ZNF726: variants seen among roughly 807,000 people sequenced by gnomAD.
ZNF726 encodes zinc finger protein 92 pseudogene 3.
ZNF726 carries 15 observed loss-of-function variants against 11.6 expected under a neutral mutation model. The ratio of observed to expected loss-of-function variants is 1.29; its 90% CI spans 0.86 to 1.99. The LOEUF (loss-of-function observed/expected upper bound fraction) is 1.99. ZNF726 is among the 30% of genes most tolerant of loss of function. ZNF726 has a pLI of 0.00. For synonymous variants in ZNF726, 295 were observed against 243.6 expected (o/e 1.21, Z -1.96); for missense variants, 890 against 725.6 (o/e 1.23, Z -2.60).
chr19:23,933,909 G>A lies in ZNF726; in HGVS notation c.1793G>A (p.Cys598Tyr). The A allele has an allele frequency of 6.3e-7, 1 of 1,588,304 alleles. No individual in the cohort carries two copies. Among genetic ancestry groups the A allele is most frequent in the South Asian group, 1.1e-5 (1 of 88,562 alleles). ...GAGAAACCTTACAAGTGTGACGAAT[G>A]TGGCAAATCATTTATCTGGTCCTCA... is the stretch of plus-strand genomic sequence containing the variant. The part of the protein sequence containing the change: ...TGEKPYKCDE[C>Y]GKSFIWSSTL... The change falls in exon 4 of 4, where the codon TGT becomes TAT. Residue 598 changes from cysteine to tyrosine, a missense_variant. Transcript: ENST00000594466.
intron 3 of ZNF726, among the ~76,000 whole-genome samples, chr19:23,926,569 CAAA>C (rs76766569): frequency 0.19 from 22,124 of 114,294 alleles, 2,311 homozygotes; most frequent in East Asian, 0.52. Context: ...GACTCTGTTC[CAAA>C]AAAAAAAAAA....
chr19:23,934,037 A>T lies in ZNF726; in HGVS notation c.*70A>T. The T allele has an allele frequency of 6.5e-7, 1 of 1,532,956 alleles. No individual in the cohort carries two copies. The highest frequency in any genetic ancestry group is 9.0e-7 in the Non-Finnish European group (1 of 1,111,912). 95.0% of individuals were successfully genotyped at this position (1,532,956 alleles called of 1,614,324 possible). On this transcript the variant is annotated 3_prime_UTR_variant, in exon 4 of 4. Coordinates refer to ENST00000594466, the MANE Select transcript of ZNF726 (RefSeq NM_001244038.2). Reference sequence around the variant, plus strand: ...GGTCCTCAACGCTAAACATAAGAGGATGCACACTGGAGAGAAACCCTACAA... The same window carrying T: ...GGTCCTCAACGCTAAACATAAGAGGTTGCACACTGGAGAGAAACCCTACAA...
At position 23,933,834 on chromosome 19, in the gene ZNF726, C is replaced by T. The variant is rs768871505; in HGVS notation, c.1718C>T (p.Ala573Val). ...TACAAGTGTGAAGAATGTGGAAAAG[C>T]GTTTAATCGATCCTCAAATCTTAGT... ...KPYKCEECGK[A>V]FNRSSNLSTH... Residue 573 changes from alanine (A) to valine (V), a missense_variant, in exon 4 of 4, where the codon GCG becomes GTG. Physicochemically the swap from Ala to Val is moderately conservative, Grantham distance 64. Coordinates refer to ENST00000594466, the MANE Select transcript of ZNF726 (RefSeq NM_001244038.2). 26 of 1,599,780 alleles carry T rather than the reference C, an allele frequency of 1.6e-5. No individual in the cohort carries two copies. In the Middle Eastern group the frequency reaches 6.6e-4, roughly 41 times the overall value.
chr19:23,943,106 C>T (rs1028886839), intron 3 of ZNF726, among the ~76,000 whole-genome samples: 3 of 152,130 alleles, frequency 2.0e-5, no homozygotes, highest in African/African-American at 7.2e-5. Flanking sequence ...CTGCAACCTC[C>T]ACCTCCCAGG....
At position 23,932,746 on chromosome 19, in the gene ZNF726, T is replaced by G. The variant is rs753903849; in HGVS notation, c.630T>G (p.Phe210Leu). Residue 210 changes from phenylalanine to leucine, a missense_variant, in exon 4 of 4, where the codon TTT (phenylalanine) becomes TTG (leucine). Coordinates refer to ENST00000594466, the MANE Select transcript of ZNF726 (RefSeq NM_001244038.2). The part of the protein sequence containing the change: ...SYKCKECGKT[F>L]NWSSTLTNHK... Reference sequence around the variant, plus strand: ...AATGTAAAGAATGTGGAAAAACCTTTAATTGGTCCTCAACCCTTACTAATC... The same window carrying G: ...AATGTAAAGAATGTGGAAAAACCTTGAATTGGTCCTCAACCCTTACTAATC... 6.2e-7 allele frequency: 1 copy of G among 1,612,328 alleles called. No individual in the cohort carries two copies. The highest frequency in any genetic ancestry group is 8.5e-7 in the Non-Finnish European group (1 of 1,179,596).
rs547132137 is a variant in ZNF726, at chr19:23,919,417, G to A, written c.48G>A (p.Glu16=). ...FRDVAIEFSL[E]EWQCLDTAQK... ...ATGTGGCCATAGAATTCTCTCTGGA[G>A]GAGTGGCAGTGCCTGGACACTGCAC... Residue 16 remains glutamate (E), a synonymous_variant, in exon 2 of 4, where the codon GAG becomes GAA. Coordinates refer to ENST00000594466, the MANE Select transcript of ZNF726 (RefSeq NM_001244038.2). The A allele has an allele frequency of 1.6e-4, 256 of 1,608,288 alleles. 1 individual carries two copies. In the African/African-American group the frequency reaches 3.1e-3, roughly 19 times the overall value.
At chr19:23,917,999 T>C (rs1380918232) in intron 1 of ZNF726, among the ~76,000 whole-genome samples, 2 of 152,012 alleles carry the variant, frequency 1.3e-5, no homozygotes, top group Non-Finnish European at 2.9e-5. Context: ...TTGGCTGGAG[T>C]TGGATGGCAC....
chr19:23,914,893 T>G lies in ZNF726; in HGVS notation c.-102T>G. On this transcript the variant is annotated 5_prime_UTR_variant, in exon 1 of 4. Transcript: ENST00000594466. The stretch of plus-strand genomic sequence containing the variant: ...GGATTTGGCGGGGCCTTTGTCTCTA[T>G]CTGCGGCCGGAGCTCCAGGTCTCGT... 2 of 1,548,460 alleles carry G rather than the reference T, an allele frequency of 1.3e-6. No homozygotes were observed. The highest frequency in any genetic ancestry group is 1.8e-6 in the Non-Finnish European group (2 of 1,136,938).
In ZNF726 at chr19:23,934,218, C is replaced by A. The variant is rs1188212728; in HGVS notation, c.*251C>A. On this transcript the variant is annotated 3_prime_UTR_variant, in exon 4 of 4. Coordinates refer to ENST00000594466, the MANE Select transcript of ZNF726 (RefSeq NM_001244038.2). ...TAAGATAATTCATACTGGAAATAAA[C>A]CCTACAAATGTGAAAAATGTGGCAA... 8 of 752,286 alleles carry A rather than the reference C, an allele frequency of 1.1e-5. No individual in the cohort carries two copies. The Admixed American group carries it at 1.3e-4, about 13-fold the overall frequency. 46.6% of individuals were successfully genotyped at this position (752,286 alleles called of 1,614,324 possible). A position where few individuals can be genotyped will look rare whatever the true frequency, so the allele number is the denominator to read the frequency against.
At chr19:23,921,083 G>T (rs1967837524) in intron 3 of ZNF726, 1 of 152,122 alleles carries the variant, frequency 6.6e-6, no homozygotes, top group Non-Finnish European at 1.5e-5. Flanking sequence ...GAATCACGAG[G>T]TCACGAATTT....
chr19:23,931,199 C>T (rs1405404901), intron 3 of ZNF726, among the ~76,000 whole-genome samples: 2 of 152,184 alleles, frequency 1.3e-5, no homozygotes, highest in African/African-American at 4.8e-5. Flanking sequence ...GTCTTGATCT[C>T]CTGACCTCAT....
chr19:23,938,589 G>GTT (rs1014943663), downstream of ZNF726, among the ~76,000 whole-genome samples: 1 of 142,380 alleles, frequency 7.0e-6, no homozygotes, highest in Non-Finnish European at 1.5e-5. Flanking sequence ...TCGTTTAATA[G>GTT]TTTTTTTTTC....
chr19:23,943,612 G>C, intron 4 of ZNF726: 1 of 593,216 alleles, frequency 1.7e-6, no homozygotes, highest in Non-Finnish European at 3.1e-6. Context: ...GAATGAAGCC[G>C]ATAACACAGA....
intron 3 of ZNF726, among the ~76,000 whole-genome samples, chr19:23,929,726 CCT>C (rs1968065320): frequency 6.6e-6 from 1 of 151,936 alleles, no homozygotes; most frequent in Non-Finnish European, 1.5e-5. Context: ...AAAGATTATA[CCT>C]CTATATTTTT....
chr19:23,923,929 A>C (rs1185728978), intron 3 of ZNF726: 2 of 152,280 alleles, frequency 1.3e-5, no homozygotes, highest in Non-Finnish European at 2.9e-5. Context: ...GTGGAGTTTA[A>C]TTAAAAGATA....
At chr19:23,919,873 A>T (rs1175845899) in intron 2 of ZNF726, 114 bp from the exon 3 acceptor site, 6 of 574,304 alleles carry the variant, frequency 1.0e-5, no homozygotes, top group Non-Finnish European at 1.1e-5. Flanking sequence ...ATAAATTAGT[A>T]TATGGGATAA....
At chr19:23,935,288 A>T, downstream of ZNF726, 1 of 501,730 alleles carries the variant, frequency 2.0e-6, no homozygotes, top group Non-Finnish European at 4.0e-6. Context: ...CTGGAGTAAA[A>T]CTCTACAAAT....
intron 1 of ZNF726, 43 bp from the exon 2 acceptor site, chr19:23,919,330 C>G: frequency 6.3e-7 from 1 of 1,588,808 alleles, no homozygotes; most frequent in Non-Finnish European, 8.6e-7. Flanking sequence ...AAATTCTGCC[C>G]ATAGCCACTT....
intron 3 of ZNF726, among the ~76,000 whole-genome samples, chr19:23,942,985 A>G (rs895047503): frequency 2.6e-5 from 4 of 152,072 alleles, no homozygotes; most frequent in Non-Finnish European, 2.9e-5. Flanking sequence ...TACATTCATC[A>G]TGCTCTTTGT....
Sources: gnomAD v4.1 joint callset for allele counts (sites outside exome capture counted in the v4.1 genomes callset) on GRCh38, gnomAD v4.1.1 for gene constraint, MANE v1.5 for transcripts, NCBI Gene and HGNC (gene_info 2026-07-23, HGNC 2026-07-21) for gene names.